Variants in CACNA2D4 observed in about 807,000 individuals in gnomAD.
CACNA2D4 encodes the protein voltage-dependent calcium channel subunit alpha-2/delta-4.
A neutral mutation model predicts 163.8 loss-of-function variants in CACNA2D4; 157 were observed. The ratio of observed to expected loss-of-function variants is 0.96; its 90% CI spans 0.84 to 1.09. CACNA2D4 has a LOEUF of 1.09. Among genes scored for constraint, CACNA2D4 ranks in the 50% least tolerant of loss-of-function variants. The pLI is 0.00. For missense variants in CACNA2D4, 1,410 were observed against 1,479.9 expected, an observed-to-expected ratio of 0.95 and a Z score of 0.78; for synonymous variants, 598 against 586.9, an observed-to-expected ratio of 1.02 and a Z score of -0.27.
At chr12:1,801,340 G>A (rs754608170) in intron 30 of CACNA2D4, among the ~76,000 whole-genome samples, 9 of 152,224 alleles carry the variant, frequency 5.9e-5, no homozygotes, top group South Asian at 2.1e-4. Flanking sequence ...GGAGTTGGAC[G>A]GTTTTCCCTC....
intron 36 of CACNA2D4, 141 bp downstream of exon 36, chr12:1,795,527 G>A: frequency 1.1e-6 from 1 of 947,430 alleles, no homozygotes; most frequent in South Asian, 1.4e-5. Flanking sequence ...GCCCAGGGAA[G>A]GGTTAGAGAA....
Position 1,827,940 on chromosome 12 carries a change from C to A in CACNA2D4, c.2551+12799G>T, listed in dbSNP as rs1592685166. On this transcript the variant is annotated intron_variant, in intron 26 of 37. Transcript: ENST00000382722. The stretch of plus-strand genomic sequence containing the variant: ...GGCTTCCTGGCTCCTCTTCTTCCCC[C>A]ACCCAGGGAATCATAACTGAGAGGA... The A allele has an allele frequency of 1.2e-5, 5 of 416,994 alleles. No individual in the cohort carries two copies. The Admixed American group carries it at 1.7e-4, about 15-fold the overall frequency. The allele number at this position is 416,994 out of a possible 1,614,324, so 25.8% of individuals were successfully genotyped here.
At chr12:1,848,669 C>T (rs1444082156) in intron 23 of CACNA2D4, among the ~76,000 whole-genome samples, 1 of 151,922 alleles carries the variant, frequency 6.6e-6, no homozygotes, top group Admixed American at 6.6e-5. Flanking sequence ...AGTTGCTTTC[C>T]TAACAATCTT....
intron 6 of CACNA2D4, among the ~76,000 whole-genome samples, chr12:1,891,350 G>A (rs1866276614): frequency 6.6e-6 from 1 of 152,096 alleles, no homozygotes; most frequent in South Asian, 2.1e-4. Flanking sequence ...AAATCATATT[G>A]AGACTACACT....
At chr12:1,884,677 TG>T in intron 11 of CACNA2D4, 90 bp downstream of exon 11, 2 of 807,248 alleles carry the variant, frequency 2.5e-6, no homozygotes, top group Admixed American at 2.4e-5. Flanking sequence ...CAGATTTGAA[TG>T]GGGGCCATCC....
At chr12:1,853,844 G>T in intron 23 of CACNA2D4, 107 bp downstream of exon 23, 2 of 795,476 alleles carry the variant, frequency 2.5e-6, no homozygotes, top group Non-Finnish European at 4.2e-6. Context: ...GCCAAAGGAC[G>T]TGGGTTCTCT....
intron 6 of CACNA2D4, among the ~76,000 whole-genome samples, chr12:1,893,526 A>G (rs1244665897): frequency 6.6e-6 from 1 of 152,126 alleles, no homozygotes; most frequent in Non-Finnish European, 1.5e-5. Flanking sequence ...TCAAAAAAAT[A>G]TATAATAATA....
intron 18 of CACNA2D4, among the ~76,000 whole-genome samples, chr12:1,871,378 GGT>G (rs55901998): frequency 0.5 from 67,772 of 135,098 alleles, 17,403 homozygotes; most frequent in Non-Finnish European, 0.6. Flanking sequence ...GTGTGCTGCT[GGT>G]GTGTGTGTAC....
chr12:1,828,785 A>G lies in CACNA2D4; in HGVS notation c.2551+11954T>C, dbSNP rs1161010067. On this transcript the variant is annotated intron_variant, in intron 26 of 37. Coordinates refer to ENST00000382722, the MANE Select transcript of CACNA2D4 (RefSeq NM_172364.5). This position sits in a 1 kb window ranked among gnomAD's most constrained non-coding sequence, Gnocchi z 4.2. ...GGGGAGTGGGTCCAACCCCTCCTGC[A>G]TATAGGCAGACTGAGCCGTCCATTT... is the stretch of plus-strand genomic sequence containing the variant. Among the ~76,000 whole-genome samples the G allele has an allele frequency of 6.6e-6, 1 of 152,170 alleles. No homozygotes were observed. Among genetic ancestry groups the G allele is most frequent in the Non-Finnish European group, 1.5e-5 (1 of 68,028 alleles).
chr12:1,889,048 A>G (rs1229729035), intron 6 of CACNA2D4, among the ~76,000 whole-genome samples: 2 of 152,264 alleles, frequency 1.3e-5, no homozygotes, highest in Non-Finnish European at 2.9e-5. Flanking sequence ...CCCAACATCA[A>G]TGAAAGCCAG....
At chr12:1,882,126 G>A (rs750978338) in intron 13 of CACNA2D4, among the ~76,000 whole-genome samples, 1 of 152,214 alleles carries the variant, frequency 6.6e-6, no homozygotes, top group Non-Finnish European at 1.5e-5. Flanking sequence ...CCAGCCTCCT[G>A]AGCATGAGGA....
At chr12:1,794,173 G>C (rs1271468840) in intron 37 of CACNA2D4, among the ~76,000 whole-genome samples, 3 of 152,264 alleles carry the variant, frequency 2.0e-5, no homozygotes, top group African/African-American at 7.2e-5. Flanking sequence ...CACATTGCTC[G>C]ATCATTCGGA....
intron 6 of CACNA2D4, among the ~76,000 whole-genome samples, chr12:1,903,629 C>T (rs994153971): frequency 6.6e-6 from 1 of 152,014 alleles, no homozygotes; most frequent in Non-Finnish European, 1.5e-5. Flanking sequence ...TGCTCAACAT[C>T]ATTGATTATC....
chr12:1,914,148 G>A (rs1866902116), intron 2 of CACNA2D4, among the ~76,000 whole-genome samples: 1 of 152,230 alleles, frequency 6.6e-6, no homozygotes, highest in African/African-American at 2.4e-5. Context: ...AGGCATAAGA[G>A]CCTGGGATTC....
rs933305356 is a variant in CACNA2D4, at chr12:1,828,352, G to A, written c.2551+12387C>T. On this transcript the variant is annotated intron_variant, in intron 26 of 37. Coordinates refer to ENST00000382722, the MANE Select transcript of CACNA2D4 (RefSeq NM_172364.5). This position sits in a 1 kb window ranked among gnomAD's most constrained non-coding sequence, Gnocchi z 4.2. ...CGCCAGATCTTCCTGGGGTACCCGAGGCTATGTTCTGGGAAGCCAGGGTCA... is the reference window on the plus strand; with the variant it reads ...CGCCAGATCTTCCTGGGGTACCCGAAGCTATGTTCTGGGAAGCCAGGGTCA... 1.4e-6 allele frequency: 1 copy of A among 732,438 alleles called. No individual in the cohort carries two copies. Among genetic ancestry groups the A allele is most frequent in the Non-Finnish European group, 2.1e-6 (1 of 478,754 alleles). The allele number at this position is 732,438 out of a possible 1,614,324, so 45.4% of individuals were successfully genotyped here.
Position 1,797,402 on chromosome 12 carries a change from C to A in CACNA2D4, c.3113+16G>T, listed in dbSNP as rs898269430. ...AGGAGTGTGGCGGGACGGGCGGCGCCGCCCTGCGGTCTTACTTCTGGCAGG... is the reference window on the plus strand; with the variant it reads ...AGGAGTGTGGCGGGACGGGCGGCGCAGCCCTGCGGTCTTACTTCTGGCAGG... On this transcript the variant is annotated intron_variant, in intron 35 of 37. Transcript: ENST00000382722. 6.6e-7 allele frequency: 1 copy of A among 1,510,806 alleles called. No individual in the cohort carries two copies. The highest frequency in any genetic ancestry group is 8.9e-7 in the Non-Finnish European group (1 of 1,123,944). The allele number at this position is 1,510,806 out of a possible 1,614,324, so 93.6% of individuals were successfully genotyped here.
intron 23 of CACNA2D4, among the ~76,000 whole-genome samples, chr12:1,847,705 T>A (rs1406281834): frequency 6.6e-6 from 1 of 152,216 alleles, no homozygotes; most frequent in Non-Finnish European, 1.5e-5. Context: ...AATGGGCTAA[T>A]GGGTCTCACT....
At chr12:1,840,593 G>C in intron 26 of CACNA2D4, 146 bp downstream of exon 26, 1 of 631,380 alleles carries the variant, frequency 1.6e-6, no homozygotes, top group East Asian at 2.7e-5. Flanking sequence ...AAATGGCTTA[G>C]GAAGAGTGCA....
chr12:1,872,307 G>A (rs1291998678), intron 18 of CACNA2D4, among the ~76,000 whole-genome samples: 1 of 152,132 alleles, frequency 6.6e-6, no homozygotes, highest in South Asian at 2.1e-4. Flanking sequence ...TACAAGTTTG[G>A]CCCCATAGGT....
Sources: allele counts gnomAD v4.1 joint callset (sites outside exome capture counted in the v4.1 genomes callset), GRCh38; gene constraint gnomAD v4.1.1; non-coding constraint Gnocchi (gnomAD v3.1); transcripts MANE v1.5; gene names NCBI Gene and HGNC (gene_info 2026-07-23, HGNC 2026-07-21).